The following CCDC14 variants were observed in gnomAD, a reference collection of about 807,000 sequenced individuals.
The protein encoded by CCDC14 is coiled-coil domain containing 14.
In CCDC14, 71 loss-of-function variants were observed where a neutral mutation model predicts 81.4. The ratio of observed to expected loss-of-function variants is 0.87; its 90% CI spans 0.72 to 1.06. The LOEUF is 1.06. CCDC14 is among the 50% of genes least tolerant of loss of function. The pLI is 0.00. For missense variants in CCDC14, 1,046 were observed against 1,047.3 expected, an observed-to-expected ratio of 1.00 and a Z score of 0.02; for synonymous variants, 332 against 364.8, an observed-to-expected ratio of 0.91 and a Z score of 1.03.
rs544496499 is a variant in CCDC14, at chr3:123,948,978, C to G, written c.507G>C (p.Gln169His). 9.9e-6 allele frequency: 16 copies of G among 1,613,970 alleles called. No individual in the cohort carries two copies. In the East Asian group the frequency reaches 2.9e-4, roughly 29 times the overall value. ...AAGTCAAGTCATTCATCAGTGACATCTGAGTCTGCACGTGCTCACAGAGGG... is the reference window on the plus strand; with the variant it reads ...AAGTCAAGTCATTCATCAGTGACATGTGAGTCTGCACGTGCTCACAGAGGG... ...YQALCEHVQT[Q>H]MSLMNDLTSK... Residue 169 changes from glutamine to histidine, a missense_variant, in exon 6 of 13, where the codon CAG becomes CAC. Physicochemically the swap from Gln to His is conservative, Grantham distance 24 (BLOSUM62 0). Transcript: ENST00000409697.
intron 10 of CCDC14, among the ~76,000 whole-genome samples, chr3:123,932,193 A>G (rs1265896133): frequency 2.0e-5 from 3 of 152,198 alleles, no homozygotes; most frequent in Non-Finnish European, 2.9e-5. Context: ...CTGATAACAA[A>G]CAAGTAATTA....
intron 8 of CCDC14, among the ~76,000 whole-genome samples, 174 bp downstream of exon 8, chr3:123,946,629 G>A (rs1222713266): frequency 6.6e-6 from 1 of 152,150 alleles, no homozygotes; most frequent in African/African-American, 2.4e-5. Flanking sequence ...AAATCCACAG[G>A]AAAGAAGGGA....
downstream of CCDC14, among the ~76,000 whole-genome samples, chr3:123,908,699 T>A (rs1190431617): frequency 2.0e-5 from 3 of 152,212 alleles, no homozygotes; most frequent in Admixed American, 6.5e-5. Flanking sequence ...CCATTATTTT[T>A]AAAATCTGAC....
At chr3:123,956,707 A>T in intron 2 of CCDC14, 33 bp downstream of exon 2, 1 of 1,519,864 alleles carries the variant, frequency 6.6e-7, no homozygotes, top group Non-Finnish European at 8.9e-7. Context: ...AATTCCTTGA[A>T]ATCTGAAGTT....
intron 1 of CCDC14, among the ~76,000 whole-genome samples, chr3:123,959,238 C>A (rs954562732): frequency 6.6e-6 from 1 of 152,168 alleles, no homozygotes; most frequent in African/African-American, 2.4e-5. Flanking sequence ...AGCAGCTATA[C>A]CATTTTACAT....
chr3:123,923,070 G>T (rs1270374795), intron 12 of CCDC14, among the ~76,000 whole-genome samples: 2 of 151,908 alleles, frequency 1.3e-5, no homozygotes, highest in Admixed American at 6.6e-5. Context: ...TAAATTAAAA[G>T]AATTATTCAA....
At chr3:123,900,149 C>A (rs958976481) in intron 5 of CCDC14, among the ~76,000 whole-genome samples, 16 of 152,124 alleles carry the variant, frequency 1.1e-4, no homozygotes, top group Non-Finnish European at 1.9e-4. Context: ...CATTACTTAT[C>A]TGTGGAAATA....
Position 123,931,354 on chromosome 3 carries a change from A to G in CCDC14, c.1599T>C (p.Leu533=), listed in dbSNP as rs1159780645. Residue 533 remains leucine, a synonymous_variant, in exon 11 of 13, where the codon CTT becomes CTC. Transcript: ENST00000409697. The stretch of plus-strand genomic sequence containing the variant: ...CAATATCATATTGCTGTTTATTTTC[A>G]AGTATAGTTTGATCTTTGTCTTTAA... ...SIFKDKDQTI[L]ENKQQYDIEI... The G allele has an allele frequency of 6.6e-7, 1 of 1,522,674 alleles. No individual in the cohort carries two copies. The highest frequency in any genetic ancestry group is 2.0e-5 in the Admixed American group (1 of 50,772). 94.3% of individuals were successfully genotyped at this position (1,522,674 alleles called of 1,614,324 possible). A position where few individuals can be genotyped will look rare whatever the true frequency, so the allele number is the denominator to read the frequency against.
chr3:123,903,297 A>AACACACACACAC lies in CCDC14; in HGVS notation c.668-5696_668-5685dup, dbSNP rs57466490. Among the ~76,000 whole-genome samples the AACACACACACAC allele has an allele frequency of 2.6e-3, 379 of 144,282 alleles. 5 individuals carry two copies. Among genetic ancestry groups the AACACACACACAC allele is most frequent in the African/African-American group, 9.4e-3 (358 of 38,184 alleles). 94.7% of individuals were successfully genotyped at this position (144,282 alleles called of 152,430 possible). A position where few individuals can be genotyped will look rare whatever the true frequency, so the allele number is the denominator to read the frequency against. On this transcript the variant is annotated intron_variant, in intron 5 of 5. Coordinates refer to the CCDC14 transcript ENST00000479903. ...CCATAATAAAAAGTATTATTTTTCA[A>AACACACACACAC]ACACACACACACACACACACACACA...
chr3:123,906,316 C>G (rs547821800), intron 5 of CCDC14, among the ~76,000 whole-genome samples: 2 of 150,042 alleles, frequency 1.3e-5, no homozygotes, highest in African/African-American at 4.9e-5. Flanking sequence ...GGCGACAGAG[C>G]GAGACTCCAT....
At position 123,915,070 on chromosome 3, in the gene CCDC14, G is replaced by A; in HGVS notation, c.2427C>T (p.Leu809=). 1.2e-6 allele frequency: 2 copies of A among 1,614,014 alleles called. No homozygotes were observed. The highest frequency in any genetic ancestry group is 2.7e-5 in the African/African-American group (2 of 75,064). The part of the protein sequence containing the change: ...RASDMKDTQL[L]KKIKEAIGKI... ...TACCAATTGCTTCCTTTATTTTCTT[G>A]AGGAGCTGTGTGTCCTTCATATCAG... Residue 809 remains leucine, a synonymous_variant, in exon 13 of 13, where the codon CTC becomes CTT. Coordinates refer to ENST00000409697, the MANE Select transcript of CCDC14 (RefSeq NM_001366335.1).
chr3:123,937,221 CAT>C (rs1431060160), intron 9 of CCDC14, among the ~76,000 whole-genome samples: 6 of 151,992 alleles, frequency 3.9e-5, no homozygotes, highest in Non-Finnish European at 8.8e-5. Flanking sequence ...CTGGCTGGAT[CAT>C]ATGTTAGATA....
the CCDC14 span, among the ~76,000 whole-genome samples, chr3:123,887,491 A>AAAC: frequency 4.1e-5 from 6 of 146,560 alleles, no homozygotes. Flanking sequence ...AAAAAAAAAA[A>AAAC]ACACAAAATA....
chr3:123,892,231 G>C, the CCDC14 span, among the ~76,000 whole-genome samples: 1 of 152,112 alleles, frequency 6.6e-6, no homozygotes, highest in Admixed American at 6.5e-5. Flanking sequence ...CTTGCCTTCT[G>C]TGCACCCCCA....
intron 1 of CCDC14, among the ~76,000 whole-genome samples, chr3:123,959,263 T>A (rs1171326638): frequency 6.6e-6 from 1 of 152,208 alleles, no homozygotes; most frequent in African/African-American, 2.4e-5. Context: ...ACTGACAGTG[T>A]ACAAGGGTTC....
chr3:123,934,293 A>AAAC (rs1452801002), intron 9 of CCDC14, among the ~76,000 whole-genome samples: 7 of 148,426 alleles, frequency 4.7e-5, no homozygotes, highest in Non-Finnish European at 1.0e-4. Flanking sequence ...AAAAAAAAAA[A>AAAC]AACCCTCATG....
At chr3:123,953,896 T>C (rs1407438512) in intron 5 of CCDC14, 1 of 152,162 alleles carries the variant, frequency 6.6e-6, no homozygotes, top group Non-Finnish European at 1.5e-5. Context: ...TCGCATGACC[T>C]AGTAGGCAAA....
In CCDC14 at chr3:123,920,411, A is replaced by G. The variant is rs370805485; in HGVS notation, c.1779-4693T>C. Among the ~76,000 whole-genome samples, 16 of 152,318 alleles carry G rather than the reference A, an allele frequency of 1.1e-4. No individual in the cohort carries two copies. In the East Asian group the frequency reaches 2.3e-3, roughly 22 times the overall value. ...GGTACAGGACGCTCAGAGGTCTCCA[A>G]TCCAATTTAACCCAAAGAGAAGTTC... On this transcript the variant is annotated intron_variant, in intron 12 of 12. Coordinates refer to ENST00000409697, the MANE Select transcript of CCDC14 (RefSeq NM_001366335.1).
At chr3:123,916,530 A>G (rs2034710449) in intron 12 of CCDC14, among the ~76,000 whole-genome samples, 1 of 151,918 alleles carries the variant, frequency 6.6e-6, no homozygotes, top group Admixed American at 6.6e-5. Flanking sequence ...AAGGATAGAG[A>G]TAATTATCTG....
Sources: gnomAD v4.1 joint callset for allele counts (sites outside exome capture counted in the v4.1 genomes callset) on GRCh38, gnomAD v4.1.1 for gene constraint, MANE v1.5 for transcripts, NCBI Gene and HGNC (gene_info 2026-07-23, HGNC 2026-07-21) for gene names.